The following MMP15 variants were observed in gnomAD, a reference collection of about 807,000 sequenced individuals.
MMP15 encodes matrix metalloproteinase-15.
A neutral mutation model predicts 65.0 loss-of-function variants in MMP15; 36 were observed. The observed-to-expected ratio is 0.55, with a 90% confidence interval of 0.42 to 0.73. The LOEUF (loss-of-function observed/expected upper bound fraction) is 0.73, where lower values mean the gene tolerates loss of function less well. Ranked by LOEUF, MMP15 falls within the 30% of genes least tolerant of loss-of-function variation. The pLI is 0.00. For synonymous variants in MMP15, 428 were observed against 410.2 expected (o/e 1.04, Z -0.52); for missense variants, 870 against 987.8 (o/e 0.88, Z 1.60).
rs1963805860 is a variant in MMP15, at chr16:58,025,962, C to A, written c.-389C>A. ...GGCGCGCGCTCCGGGCAGCGCCCGG[C>A]CCCGGGCATGGACAGAGGGAGCTGG... On this transcript the variant is annotated 5_prime_UTR_variant, in exon 1 of 10. Coordinates refer to ENST00000219271, the MANE Select transcript of MMP15 (RefSeq NM_002428.4). 6.5e-6 allele frequency: 1 copy of A among 155,034 alleles called. No homozygotes were observed. The highest frequency in any genetic ancestry group is 2.4e-5 in the African/African-American group (1 of 41,512). The allele number at this position is 155,034 out of a possible 1,614,324, so 9.6% of individuals were successfully genotyped here.
intron 1 of MMP15, among the ~76,000 whole-genome samples, chr16:58,032,792 GTCCGGGGGC>G (rs1318396966): frequency 6.6e-6 from 1 of 151,394 alleles, no homozygotes; most frequent in Non-Finnish European, 1.5e-5. Context: ...GCCACAAAAG[GTCCGGGGGC>G]TGGATCCATC....
At position 58,026,318 on chromosome 16, in the gene MMP15, G is replaced by T; in HGVS notation, c.-33G>T. The T allele has an allele frequency of 7.7e-7, 1 of 1,296,146 alleles. No individual in the cohort carries two copies. Among genetic ancestry groups the T allele is most frequent in the Non-Finnish European group, 9.8e-7 (1 of 1,023,170 alleles). 80.3% of individuals were successfully genotyped at this position (1,296,146 alleles called of 1,614,324 possible). A position where few individuals can be genotyped will look rare whatever the true frequency, so the allele number is the denominator to read the frequency against. ...CAAGGCGCGTGCGAGGATCCGGCGTGCAGTGTTCCGAGCTGGGCTGGGCGC... is the reference window on the plus strand; with the variant it reads ...CAAGGCGCGTGCGAGGATCCGGCGTTCAGTGTTCCGAGCTGGGCTGGGCGC... On this transcript the variant is annotated 5_prime_UTR_variant, in exon 1 of 10. Coordinates refer to ENST00000219271, the MANE Select transcript of MMP15 (RefSeq NM_002428.4).
At position 58,040,305 on chromosome 16, in the gene MMP15, C is replaced by T. The variant is rs554963234; in HGVS notation, c.748+123C>T. On this transcript the variant is annotated intron_variant, in intron 4 of 9. Coordinates refer to ENST00000219271, the MANE Select transcript of MMP15 (RefSeq NM_002428.4). ...GAGAGAGTTCCCCTGTGTTTGTCTC[C>T]AGATCACTACACTCAATTTCAGTCT... The T allele has an allele frequency of 7.2e-6, 8 of 1,106,982 alleles. No individual in the cohort carries two copies. The African/African-American group carries it at 1.1e-4, about 15-fold the overall frequency. 68.6% of individuals were successfully genotyped at this position (1,106,982 alleles called of 1,614,324 possible).
At position 58,043,379 on chromosome 16, in the gene MMP15, C is replaced by A; in HGVS notation, c.1454+19C>A. 1.3e-6 allele frequency: 2 copies of A among 1,599,042 alleles called. No homozygotes were observed. Among genetic ancestry groups the A allele is most frequent in the Non-Finnish European group, 1.7e-6 (2 of 1,173,076 alleles). ...AGGACAGGTGAGCAGTGCGTCCCTC[C>A]CCTAAGGGGAGAAGGCCCCATCTAG... On this transcript the variant is annotated intron_variant, in intron 8 of 9. Coordinates refer to ENST00000219271, the MANE Select transcript of MMP15 (RefSeq NM_002428.4).
In MMP15 at chr16:58,025,779, C is replaced by T. The variant is rs898144978; in HGVS notation, c.-572C>T. On this transcript the variant is annotated 5_prime_UTR_variant, in exon 1 of 10. Transcript: ENST00000219271. ...GAGGAGGGCTGGGAGCGCCCGGAGC[C>T]GCGCTGAACTCGCCGGGGACGTCGG... is the stretch of plus-strand genomic sequence containing the variant. 1 of 151,918 alleles carries T rather than the reference C, an allele frequency of 6.6e-6. No homozygotes were observed. The highest frequency in any genetic ancestry group is 1.5e-5 in the Non-Finnish European group (1 of 67,934). The allele number at this position is 151,918 out of a possible 1,614,324, so 9.4% of individuals were successfully genotyped here.
At chr16:58,035,908 G>C (rs535500302) in intron 1 of MMP15, among the ~76,000 whole-genome samples, 21 of 152,360 alleles carry the variant, frequency 1.4e-4, no homozygotes, top group Non-Finnish European at 2.2e-4. Flanking sequence ...AGCCACACCA[G>C]GGACCTGGCC....
rs1484643340 is a variant in MMP15, at chr16:58,026,497, G to A, written c.147G>A (p.Ala49=). Residue 49 remains alanine, a synonymous_variant, in exon 1 of 10, where the codon GCG becomes GCA. Transcript: ENST00000219271. ...CLGLGVAAED[A]EVHAENWLRL... ...GCCTTGGCGTAGCGGCCGAAGACGC[G>A]GAGGTCCATGCCGAGGTAAGACCCC... The A allele has an allele frequency of 8.0e-6, 11 of 1,370,000 alleles. No individual in the cohort carries two copies. The highest frequency in any genetic ancestry group is 9.4e-6 in the Non-Finnish European group (10 of 1,059,916). 84.9% of individuals were successfully genotyped at this position (1,370,000 alleles called of 1,614,324 possible). A position where few individuals can be genotyped will look rare whatever the true frequency, so the allele number is the denominator to read the frequency against.
intron 1 of MMP15, among the ~76,000 whole-genome samples, chr16:58,034,360 G>A (rs57709288): frequency 0.15 from 15,240 of 98,736 alleles, 2,132 homozygotes; most frequent in African/African-American, 0.43. Flanking sequence ...CCCCACCCCC[G>A]CGTCCCCGCC....
Position 58,041,871 on chromosome 16 carries a change from G to A in MMP15, c.1164+1G>A. 3 of 1,577,434 alleles carry A rather than the reference G, an allele frequency of 1.9e-6. No homozygotes were observed. Among genetic ancestry groups the A allele is most frequent in the Non-Finnish European group, 2.6e-6 (3 of 1,162,166 alleles). ...TCGCGGGGAGATGTTCGTGTTCAAGGTCTGGCCCCGCCTCCCATGCCTGGC... is the reference window on the plus strand; with the variant it reads ...TCGCGGGGAGATGTTCGTGTTCAAGATCTGGCCCCGCCTCCCATGCCTGGC... On this transcript the variant is annotated splice_donor_variant, in intron 6 of 9. Coordinates refer to ENST00000219271, the MANE Select transcript of MMP15 (RefSeq NM_002428.4). LOFTEE classifies it high-confidence loss of function.
At chr16:58,043,685 C>A in intron 9 of MMP15, 58 bp downstream of exon 9, 1 of 1,301,826 alleles carries the variant, frequency 7.7e-7, no homozygotes. Context: ...CTACACACAC[C>A]ACAGGGCAGG....
intron 7 of MMP15, among the ~76,000 whole-genome samples, chr16:58,042,987 G>A (rs982802643): frequency 6.6e-6 from 1 of 152,202 alleles, no homozygotes; most frequent in African/African-American, 2.4e-5. Context: ...TGGGTGGCAT[G>A]TGGCGTGTAT....
At chr16:58,041,547 T>TGGGGGCCC (rs1597066148) in intron 5 of MMP15, 70 bp from the exon 6 acceptor site, 2 of 1,527,478 alleles carry the variant, frequency 1.3e-6, no homozygotes, top group Non-Finnish European at 1.8e-6. Context: ...GGGCCTGTGC[T>TGGGGGCCC]GGGGGCCCCG....
intron 9 of MMP15, among the ~76,000 whole-genome samples, chr16:58,043,865 C>G (rs1959502388): frequency 1.3e-5 from 2 of 152,230 alleles, no homozygotes; most frequent in Non-Finnish European, 2.9e-5. Context: ...CAGAGTGCCC[C>G]AAATTCCACA....
chr16:58,038,316 TGAAAGC>T lies in MMP15; in HGVS notation c.363_368del (p.Lys122_Ala123del). ...GTGCCAGACCAGTTCGGGGTACGAG[TGAAAGC>T]CAACCTGCGGCGGCGTCGGAAGCGC... On this transcript the variant is annotated inframe_deletion, in exon 3 of 10. Transcript: ENST00000219271. The T allele has an allele frequency of 6.2e-7, 1 of 1,613,868 alleles. No homozygotes were observed. The highest frequency in any genetic ancestry group is 8.5e-7 in the Non-Finnish European group (1 of 1,179,972).
At chr16:58,033,902 C>CA (rs1023639181) in intron 1 of MMP15, among the ~76,000 whole-genome samples, 13 of 152,120 alleles carry the variant, frequency 8.5e-5, no homozygotes, top group African/African-American at 2.9e-4. Flanking sequence ...GACTCCGTCT[C>CA]AAAAAAAGAA....
Position 58,040,586 on chromosome 16 carries a change from G to A in MMP15, c.798G>A (p.Gly266=). ...VAVHELGHAL[G]LEHSSNPNAI... ...TGCATGAGCTGGGCCACGCGCTGGG[G>A]CTGGAGCACTCCAGCAACCCCAATG... is the stretch of plus-strand genomic sequence containing the variant. Residue 266 remains glycine (G), a synonymous_variant, in exon 5 of 10, where the codon GGG becomes GGA. Transcript: ENST00000219271. 2 of 1,614,090 alleles carry A rather than the reference G, an allele frequency of 1.2e-6. No homozygotes were observed. Among genetic ancestry groups the A allele is most frequent in the Non-Finnish European group, 1.7e-6 (2 of 1,180,044 alleles).
chr16:58,038,160 A>G, intron 2 of MMP15, 106 bp from the exon 3 acceptor site: 4 of 1,461,818 alleles, frequency 2.7e-6, no homozygotes, highest in Non-Finnish European at 3.7e-6. Flanking sequence ...ACTGTGTCAT[A>G]GGAGGGGCGG....
At chr16:58,032,893 G>A (rs999013367) in intron 1 of MMP15, among the ~76,000 whole-genome samples, 3 of 152,272 alleles carry the variant, frequency 2.0e-5, no homozygotes, top group African/African-American at 7.2e-5. Context: ...CAGAACCTGG[G>A]TGACAGAGAC....
chr16:58,041,931 G>A (rs1489035924), intron 6 of MMP15, 61 bp downstream of exon 6: 1 of 1,511,296 alleles, frequency 6.6e-7, no homozygotes, highest in African/African-American at 1.4e-5. Context: ...TGGGCCCCCT[G>A]TCCCACCCTC....
Sources: gnomAD v4.1 joint callset for allele counts (sites outside exome capture counted in the v4.1 genomes callset) on GRCh38, gnomAD v4.1.1 for gene constraint, MANE v1.5 for transcripts, NCBI Gene and HGNC (gene_info 2026-07-23, HGNC 2026-07-21) for gene names.